Variants in BHMT2 observed in about 807,000 individuals in gnomAD.
The protein encoded by BHMT2 is S-methylmethionine--homocysteine S-methyltransferase BHMT2.
In BHMT2, 28 loss-of-function variants were observed where a neutral mutation model predicts 39.0. That is an observed-to-expected ratio of 0.72 (90% CI 0.53 to 0.98). BHMT2 has a LOEUF of 0.98. Ranked by LOEUF, BHMT2 falls within the 50% of genes least tolerant of loss-of-function variation. The pLI is 0.00. For missense variants in BHMT2, 410 were observed against 455.6 expected, an observed-to-expected ratio of 0.90 and a Z score of 0.91; for synonymous variants, 145 against 160.6, an observed-to-expected ratio of 0.90 and a Z score of 0.74.
intron 7 of BHMT2, among the ~76,000 whole-genome samples, chr5:79,085,934 G>C (rs1234835189): frequency 6.6e-6 from 1 of 152,116 alleles, no homozygotes. Context: ...AAAGAGGATG[G>C]ATAAAGGAGT....
At chr5:79,085,341 A>G (rs1352955765) in intron 7 of BHMT2, among the ~76,000 whole-genome samples, 1 of 152,234 alleles carries the variant, frequency 6.6e-6, no homozygotes, top group African/African-American at 2.4e-5. Context: ...GGCAATGGAA[A>G]GTTCCATAAT....
rs560630527 is a variant in BHMT2 at position 79,089,071 on chromosome 5, A to G, written c.*497A>G. On this transcript the variant is annotated 3_prime_UTR_variant, in exon 8 of 8. Transcript: ENST00000255192. ...AAAGGCAATCCCAAAGAAAAGATGT[A>G]AAGAATGTTTTGAGCAATGGTAGCA... The G allele has an allele frequency of 1.3e-5, 2 of 152,538 alleles. No individual in the cohort carries two copies. The highest frequency in any genetic ancestry group is 4.1e-4 in the South Asian group (2 of 4,836). 9.4% of individuals were successfully genotyped at this position (152,538 alleles called of 1,614,324 possible).
intron 1 of BHMT2, among the ~76,000 whole-genome samples, chr5:79,072,924 G>A (rs1023156402): frequency 2.0e-5 from 3 of 151,338 alleles, no homozygotes; most frequent in Non-Finnish European, 2.9e-5. Context: ...TGAATTCTGT[G>A]CCAATGTTTT....
chr5:79,078,854 C>A (rs948645886), intron 2 of BHMT2, among the ~76,000 whole-genome samples: 1 of 152,050 alleles, frequency 6.6e-6, no homozygotes, highest in African/African-American at 2.4e-5. Context: ...GGAGGAGGGG[C>A]GAAAGTGGTG....
At chr5:79,071,357 C>CATAA (rs1755568050) in intron 1 of BHMT2, 1 of 151,808 alleles carries the variant, frequency 6.6e-6, no homozygotes, top group Non-Finnish European at 1.5e-5. Flanking sequence ...CCTCCTACTA[C>CATAA]ACAGTGAAGT....
At chr5:79,075,455 G>C (rs1755655492) in intron 1 of BHMT2, among the ~76,000 whole-genome samples, 1 of 152,128 alleles carries the variant, frequency 6.6e-6, no homozygotes, top group East Asian at 1.9e-4. Flanking sequence ...GAACTGAGGG[G>C]GTTTATGTTG....
intron 2 of BHMT2, 144 bp downstream of exon 2, chr5:79,077,756 A>T: frequency 1.0e-6 from 1 of 974,632 alleles, no homozygotes. Flanking sequence ...TAATGGCAGT[A>T]TACAGGCGGA....
chr5:79,077,039 C>A (rs974255732), intron 1 of BHMT2, among the ~76,000 whole-genome samples: 1 of 152,186 alleles, frequency 6.6e-6, no homozygotes. Flanking sequence ...CACCAGCTTC[C>A]GTATGTGTCT....
chr5:79,075,867 C>T (rs1300512652), intron 1 of BHMT2, among the ~76,000 whole-genome samples: 1 of 152,198 alleles, frequency 6.6e-6, no homozygotes, highest in African/African-American at 2.4e-5. Flanking sequence ...CTAGGGGGAG[C>T]ATGCAGGTAC....
chr5:79,077,428 GA>G (rs11414970), intron 1 of BHMT2, 51 bp from the exon 2 acceptor site: 107,969 of 1,181,786 alleles, frequency 0.091, 1 homozygote, highest in East Asian at 0.13. Context: ...ATGCTTTTAG[GA>G]AAAAAAAAAA....
chr5:79,088,929 C>T lies in BHMT2; in HGVS notation c.*355C>T, dbSNP rs1755961699. 1 of 177,240 alleles carries T rather than the reference C, an allele frequency of 5.6e-6. No homozygotes were observed. Among genetic ancestry groups the T allele is most frequent in the African/African-American group, 2.4e-5 (1 of 42,086 alleles). The allele number at this position is 177,240 out of a possible 1,614,324, so 11.0% of individuals were successfully genotyped here. ...GACACTTTAAAATAATCAGAAGTCA[C>T]TGAGACCCAAAGCTAGTGAATAATT... On this transcript the variant is annotated 3_prime_UTR_variant, in exon 8 of 8. Coordinates refer to ENST00000255192, the MANE Select transcript of BHMT2 (RefSeq NM_017614.5).
At position 79,080,826 on chromosome 5, in the gene BHMT2, G is replaced by T. The variant is rs369672073; in HGVS notation, c.398G>T (p.Arg133Leu). ...GAAGCTAGAATTAAAAAACTTTTTC[G>T]ACAACAGCTAGAAGTTTTTGCCTGG... ...KDEARIKKLF[R>L]QQLEVFAWKN... Residue 133 changes from arginine to leucine, a missense_variant, in exon 4 of 8, where the codon CGA becomes CTA. Coordinates refer to ENST00000255192, the MANE Select transcript of BHMT2 (RefSeq NM_017614.5). 4 of 1,605,036 alleles carry T rather than the reference G, an allele frequency of 2.5e-6. No individual in the cohort carries two copies. The Admixed American group carries it at 5.2e-5, about 21-fold the overall frequency.
rs996858344 is a variant in BHMT2 at position 79,089,048 on chromosome 5, A to G, written c.*474A>G. The G allele has an allele frequency of 6.6e-6, 1 of 152,640 alleles. No homozygotes were observed. The highest frequency in any genetic ancestry group is 6.5e-5 in the Admixed American group (1 of 15,296). 9.5% of individuals were successfully genotyped at this position (152,640 alleles called of 1,614,324 possible). A position where few individuals can be genotyped will look rare whatever the true frequency, so the allele number is the denominator to read the frequency against. On this transcript the variant is annotated 3_prime_UTR_variant, in exon 8 of 8. Transcript: ENST00000255192. ...TTAATGATTTATACAATGACTCCAA[A>G]GGCAATCCCAAAGAAAAGATGTAAA...
chr5:79,075,148 G>T (rs914013602), intron 1 of BHMT2, among the ~76,000 whole-genome samples: 14 of 152,142 alleles, frequency 9.2e-5, no homozygotes, highest in African/African-American at 3.4e-4. Context: ...ACCTAAGACT[G>T]TTTTTACAAA....
At chr5:79,086,363 G>A (rs1276222551) in intron 7 of BHMT2, among the ~76,000 whole-genome samples, 2 of 152,122 alleles carry the variant, frequency 1.3e-5, no homozygotes, top group Admixed American at 1.3e-4. Context: ...TTTTCCAGGG[G>A]ACAGTCAAAT....
At chr5:79,079,332 C>A in intron 2 of BHMT2, 37 bp from the exon 3 acceptor site, 5 of 1,418,262 alleles carry the variant, frequency 3.5e-6, no homozygotes, top group Non-Finnish European at 5.0e-6. Context: ...TTTCTTTATT[C>A]ATTTATTTCA....
At position 79,089,774 on chromosome 5, in the gene BHMT2, T is replaced by C. The variant is rs1198230695; in HGVS notation, c.*1200T>C. Among the ~76,000 whole-genome samples, 1 of 152,190 alleles carries C rather than the reference T, an allele frequency of 6.6e-6. No homozygotes were observed. Among genetic ancestry groups the C allele is most frequent in the Non-Finnish European group, 1.5e-5 (1 of 68,040 alleles). ...TTGGGTCAAGAGTTCAAGGCCAGCC[T>C]GGCCAACATGGCAAAACCCCATCTC... is the stretch of plus-strand genomic sequence containing the variant. On this transcript the variant is annotated 3_prime_UTR_variant, in exon 8 of 8. Coordinates refer to ENST00000255192, the MANE Select transcript of BHMT2 (RefSeq NM_017614.5).
intron 1 of BHMT2, among the ~76,000 whole-genome samples, chr5:79,071,392 G>A (rs1755570372): frequency 6.6e-6 from 1 of 152,304 alleles, no homozygotes; most frequent in African/African-American, 2.4e-5. Context: ...TATGAATAGA[G>A]ATGTCTTGAA....
chr5:79,077,764 G>A (rs1028252904), intron 2 of BHMT2, 152 bp downstream of exon 2: 67 of 837,190 alleles, frequency 8.0e-5, no homozygotes, highest in South Asian at 4.6e-4. Context: ...GTATACAGGC[G>A]GAAGTATATG....
Sources: allele counts gnomAD v4.1 joint callset (sites outside exome capture counted in the v4.1 genomes callset), GRCh38; gene constraint gnomAD v4.1.1; transcripts MANE v1.5; gene names NCBI Gene and HGNC (gene_info 2026-07-23, HGNC 2026-07-21).